STXBP6: variants seen among roughly 807,000 people sequenced by gnomAD.
The protein encoded by STXBP6 is syntaxin binding protein 6, also known as syntaxin-binding protein 6.
In STXBP6, 21 loss-of-function variants were observed where a neutral mutation model predicts 26.9. The ratio of observed to expected loss-of-function variants is 0.78; its 90% confidence interval spans 0.55 to 1.12. The LOEUF is 1.12. Among genes scored for constraint, STXBP6 ranks in the 50% most tolerant of loss-of-function variants. The pLI, the probability that STXBP6 is intolerant of heterozygous loss-of-function variation, is 0.00. For synonymous variants in STXBP6, 97 were observed against 92.6 expected (o/e 1.05, Z -0.27); for missense variants, 232 against 257.9 (o/e 0.90, Z 0.69).
chr14:24,899,801 C>CAAAAA (rs56666133), intron 2 of STXBP6, among the ~76,000 whole-genome samples: 3 of 108,632 alleles, frequency 2.8e-5, no homozygotes, highest in Admixed American at 1.2e-4. Flanking sequence ...AAAAAAAAAG[C>CAAAAA]AAAAAAAAAA....
At chr14:25,043,970 G>T (rs2140515318) in intron 1 of STXBP6, among the ~76,000 whole-genome samples, 1 of 151,936 alleles carries the variant, frequency 6.6e-6, no homozygotes, top group South Asian at 2.1e-4. Flanking sequence ...AGGAGTTCAA[G>T]ATCAGCCTGG....
At chr14:24,842,008 T>C (rs1417691655) in intron 4 of STXBP6, among the ~76,000 whole-genome samples, 3 of 152,190 alleles carry the variant, frequency 2.0e-5, no homozygotes, top group Non-Finnish European at 2.9e-5. Flanking sequence ...GCCTTGACCT[T>C]TTCTTTCTAT....
intron 2 of STXBP6, among the ~76,000 whole-genome samples, chr14:24,894,195 A>G (rs1241605): frequency 0.33 from 50,821 of 152,032 alleles, 8,724 homozygotes; most frequent in East Asian, 0.44. Flanking sequence ...AAAGACAAAG[A>G]CCAATTTGGA....
At chr14:25,024,757 C>T (rs1395657593) in intron 1 of STXBP6, among the ~76,000 whole-genome samples, 2 of 152,130 alleles carry the variant, frequency 1.3e-5, no homozygotes, top group Non-Finnish European at 2.9e-5. Flanking sequence ...AAAAAGATTA[C>T]ATCTTTAATT....
chr14:24,947,395 G>A (rs1482155773), intron 2 of STXBP6, among the ~76,000 whole-genome samples: 1 of 152,208 alleles, frequency 6.6e-6, no homozygotes. Flanking sequence ...GACGGCGATG[G>A]AGAAGTAAAT....
chr14:24,987,114 A>G (rs897566175), intron 1 of STXBP6, among the ~76,000 whole-genome samples: 3 of 152,252 alleles, frequency 2.0e-5, no homozygotes, highest in African/African-American at 7.2e-5. Flanking sequence ...TATGAACTCA[A>G]TTAACACTAG....
At chr14:25,003,714 C>T (rs2074822121) in intron 1 of STXBP6, among the ~76,000 whole-genome samples, 1 of 151,684 alleles carries the variant, frequency 6.6e-6, no homozygotes, top group Non-Finnish European at 1.5e-5. Flanking sequence ...ATACAGCAAC[C>T]ACTTAGCATG....
intron 1 of STXBP6, among the ~76,000 whole-genome samples, chr14:25,045,998 T>C (rs1004265930): frequency 2.6e-5 from 4 of 152,320 alleles, no homozygotes; most frequent in Middle Eastern, 3.4e-3. Context: ...GTATAACTAG[T>C]GTTTTAGTTT....
At chr14:24,844,172 G>T (rs2068869036) in intron 4 of STXBP6, among the ~76,000 whole-genome samples, 1 of 152,238 alleles carries the variant, frequency 6.6e-6, no homozygotes, top group African/African-American at 2.4e-5. Context: ...CCCATGGGCA[G>T]GGAGGGTAGC....
chr14:25,043,841 C>G (rs1241378324), intron 1 of STXBP6, among the ~76,000 whole-genome samples: 1 of 152,178 alleles, frequency 6.6e-6, no homozygotes, highest in Non-Finnish European at 1.5e-5. Flanking sequence ...ATCCATTCAG[C>G]AGCCGATGGA....
intron 4 of STXBP6, among the ~76,000 whole-genome samples, chr14:24,838,520 C>T (rs1234076263): frequency 6.6e-6 from 1 of 151,976 alleles, no homozygotes; most frequent in Non-Finnish European, 1.5e-5. Flanking sequence ...CCCATCTCTA[C>T]TAAAAATACA....
At chr14:24,924,793 T>C (rs187778870) in intron 2 of STXBP6, among the ~76,000 whole-genome samples, 1 of 152,178 alleles carries the variant, frequency 6.6e-6, no homozygotes, top group African/African-American at 2.4e-5. Context: ...CAGTCTCACA[T>C]GTCAGATTAC....
rs183751657 is a variant in STXBP6 at position 24,972,998 on chromosome 14, G to T, written c.154+1667C>A. 1.2e-3 allele frequency among the ~76,000 whole-genome samples: 179 copies of T among 152,218 alleles called. 2 individuals carry two copies. Among genetic ancestry groups the T allele is most frequent in the Admixed American group, 0.012 (176 of 15,276 alleles). On this transcript the variant is annotated intron_variant, in intron 2 of 5. Coordinates refer to ENST00000323944, the MANE Select transcript of STXBP6 (RefSeq NM_001394410.1). ...CTGGGCATGGTGTTGTGTGCCTGCA[G>T]TCCCAGCTCTTGGGAGGCTGAGGCA...
At position 24,834,321 on chromosome 14, in the gene STXBP6, G is replaced by A. The variant is rs540708367; in HGVS notation, c.452-15127C>T. ...AGAGAATAAACTTTTAGTATATTCT[G>A]TCTCTGGCCAACTTACAGGTTCAAA... On this transcript the variant is annotated intron_variant, in intron 4 of 5. Transcript: ENST00000323944. Among the ~76,000 whole-genome samples, 274 of 152,274 alleles carry A rather than the reference G, an allele frequency of 1.8e-3. 1 individual carries two copies. Among genetic ancestry groups the A allele is most frequent in the Middle Eastern group, 6.8e-3 (2 of 294 alleles).
chr14:24,926,388 T>C (rs1330035561), intron 2 of STXBP6, among the ~76,000 whole-genome samples: 1 of 152,164 alleles, frequency 6.6e-6, no homozygotes, highest in African/African-American at 2.4e-5. Flanking sequence ...ACTAGTCCTG[T>C]GGATCTCTCT....
At chr14:25,008,136 T>C (rs2074945321) in intron 1 of STXBP6, among the ~76,000 whole-genome samples, 1 of 152,218 alleles carries the variant, frequency 6.6e-6, no homozygotes, top group South Asian at 2.1e-4. Context: ...AACAAAATGT[T>C]AGCTGCCAGA....
intron 2 of STXBP6, among the ~76,000 whole-genome samples, chr14:24,908,520 C>T (rs1684007146): frequency 6.6e-6 from 1 of 152,220 alleles, no homozygotes; most frequent in South Asian, 2.1e-4. Flanking sequence ...TCTGGGCCCA[C>T]TACCCCTTCA....
At chr14:24,898,658 T>G (rs753561011) in intron 2 of STXBP6, among the ~76,000 whole-genome samples, 3 of 151,830 alleles carry the variant, frequency 2.0e-5, no homozygotes, top group African/African-American at 4.8e-5. Context: ...GACTGGGCAA[T>G]AGAGGGATAC....
intron 2 of STXBP6, among the ~76,000 whole-genome samples, chr14:24,936,937 C>T (rs1442507800): frequency 6.6e-6 from 1 of 152,198 alleles, no homozygotes; most frequent in Non-Finnish European, 1.5e-5. Context: ...GGCACATATG[C>T]ACCATGGAAT....
Sources: allele counts gnomAD v4.1 joint callset (sites outside exome capture counted in the v4.1 genomes callset), GRCh38; gene constraint gnomAD v4.1.1; transcripts MANE v1.5; gene names NCBI Gene and HGNC (gene_info 2026-07-23, HGNC 2026-07-21).